MATN2: variants seen among roughly 807,000 people sequenced by gnomAD.
MATN2 encodes matrilin 2, also known as matrilin-2.
A neutral mutation model predicts 103.2 loss-of-function variants in MATN2; 69 were observed. The ratio of observed to expected loss-of-function variants is 0.67; its 90% confidence interval spans 0.55 to 0.82. The LOEUF is 0.82. Ranked by LOEUF, MATN2 falls within the 40% of genes least tolerant of loss-of-function variation. The pLI, the probability that MATN2 is intolerant of heterozygous loss-of-function variation, is 0.00. For missense variants in MATN2, 1,023 were observed against 1,211.5 expected, an observed-to-expected ratio of 0.84 and a Z score of 2.31; for synonymous variants, 429 against 450.2, an observed-to-expected ratio of 0.95 and a Z score of 0.60.
chr8:97,943,830 T>C (rs1481425613), intron 4 of MATN2, among the ~76,000 whole-genome samples: 3 of 152,228 alleles, frequency 2.0e-5, no homozygotes, highest in Non-Finnish European at 4.4e-5. Flanking sequence ...TCTGGGAATC[T>C]GCTGATATTT....
intron 6 of MATN2, among the ~76,000 whole-genome samples, chr8:97,986,050 T>C (rs1367277871): frequency 2.0e-5 from 3 of 152,218 alleles, no homozygotes; most frequent in Non-Finnish European, 4.4e-5. Flanking sequence ...ATTATATGTA[T>C]ATGTCAGAAT....
At chr8:98,019,928 C>A (rs143218709) in intron 12 of MATN2, among the ~76,000 whole-genome samples, 12 of 152,282 alleles carry the variant, frequency 7.9e-5, no homozygotes, top group African/African-American at 2.9e-4. Context: ...GATCTCAATA[C>A]CTCGCTTCTT....
intron 1 of MATN2, among the ~76,000 whole-genome samples, chr8:97,875,896 C>T (rs1490307213): frequency 6.6e-6 from 1 of 151,864 alleles, no homozygotes; most frequent in Non-Finnish European, 1.5e-5. Context: ...GGGGTTTCAC[C>T]GTGTTAGCCA....
At chr8:98,024,108 G>C (rs1813699440) in intron 13 of MATN2, among the ~76,000 whole-genome samples, 1 of 152,122 alleles carries the variant, frequency 6.6e-6, no homozygotes, top group African/African-American at 2.4e-5. Context: ...CTAAGTGATG[G>C]GCTGATAGGT....
chr8:98,015,267 G>A (rs1813318689), intron 10 of MATN2, among the ~76,000 whole-genome samples: 1 of 152,154 alleles, frequency 6.6e-6, no homozygotes, highest in African/African-American at 2.4e-5. Context: ...GCACAGGGCT[G>A]CTCCCAGGTG....
At chr8:97,981,805 C>T (rs1812033009) in intron 6 of MATN2, among the ~76,000 whole-genome samples, 1 of 152,194 alleles carries the variant, frequency 6.6e-6, no homozygotes, top group Non-Finnish European at 1.5e-5. Context: ...CCCTGTGGCT[C>T]AGCATGCCTC....
chr8:97,978,261 T>C (rs1453550551), intron 5 of MATN2, among the ~76,000 whole-genome samples: 1 of 152,194 alleles, frequency 6.6e-6, no homozygotes, highest in Non-Finnish European at 1.5e-5. Context: ...ATGAAACAAA[T>C]GAAATATTTG....
intron 6 of MATN2, among the ~76,000 whole-genome samples, chr8:97,980,711 C>T (rs1463156533): frequency 4.0e-5 from 6 of 151,602 alleles, no homozygotes; most frequent in African/African-American, 1.2e-4. Flanking sequence ...ACTACAGGCT[C>T]GCACCAACAC....
At chr8:97,984,554 A>T (rs970307432) in intron 6 of MATN2, among the ~76,000 whole-genome samples, 15 of 152,188 alleles carry the variant, frequency 9.9e-5, no homozygotes, top group Admixed American at 6.5e-5. Flanking sequence ...TTGAACTGAG[A>T]TCCTCCTAGA....
At chr8:97,941,678 C>A in intron 3 of MATN2, 99 bp from the exon 4 acceptor site, 1 of 1,369,748 alleles carries the variant, frequency 7.3e-7, no homozygotes, top group Non-Finnish European at 1.0e-6. Flanking sequence ...CTGAGTCCTG[C>A]CCAGAGGAGA....
At chr8:98,009,941 T>A (rs1813101489) in intron 10 of MATN2, among the ~76,000 whole-genome samples, 1 of 152,220 alleles carries the variant, frequency 6.6e-6, no homozygotes. Flanking sequence ...ATGAAATGAC[T>A]GGGAGCGTGA....
At chr8:98,017,723 A>G (rs1199563781) in intron 11 of MATN2, among the ~76,000 whole-genome samples, 2 of 152,238 alleles carry the variant, frequency 1.3e-5, no homozygotes, top group Non-Finnish European at 2.9e-5. Context: ...ATCAGAAACT[A>G]TGTCTACAGA....
chr8:97,966,673 G>A (rs919772189), intron 5 of MATN2, among the ~76,000 whole-genome samples: 4 of 152,160 alleles, frequency 2.6e-5, no homozygotes, highest in African/African-American at 9.7e-5. Context: ...AGAAAACTCG[G>A]CATTAACATG....
intron 1 of MATN2, among the ~76,000 whole-genome samples, chr8:97,876,460 A>T (rs1020573707): frequency 3.1e-4 from 47 of 152,054 alleles, no homozygotes; most frequent in Admixed American, 3.1e-3. Context: ...AAGTGCTGGG[A>T]TTACAAGCAT....
chr8:97,888,279 G>A, intron 2 of MATN2, 37 bp downstream of exon 2: 1 of 1,476,622 alleles, frequency 6.8e-7, no homozygotes, highest in Non-Finnish European at 9.0e-7. Flanking sequence ...GTGGGCAGGT[G>A]GGGGTGGTTT....
chr8:97,924,533 C>T (rs1241690517), intron 2 of MATN2, among the ~76,000 whole-genome samples: 1 of 152,092 alleles, frequency 6.6e-6, no homozygotes, highest in Admixed American at 6.6e-5. Flanking sequence ...CCCCACAGCC[C>T]CTCAAAGATC....
At chr8:97,979,356 T>C (rs1811947484) in intron 6 of MATN2, among the ~76,000 whole-genome samples, 1 of 152,214 alleles carries the variant, frequency 6.6e-6, no homozygotes, top group Admixed American at 6.5e-5. Flanking sequence ...CATTGAAGCT[T>C]TGTGGCTTGT....
At position 97,931,232 on chromosome 8, in the gene MATN2, A is replaced by G; in HGVS notation, c.422A>G (p.Gln141Arg). ...GGCACCATGACTGGGCTGGCCATCC[A>G]GTATGCCCTGAACATCGCATTCTCA... ...STGTMTGLAI[Q>R]YALNIAFSEA... Residue 141 changes from glutamine (Q) to arginine (R), a missense_variant, in exon 3 of 19, where the codon CAG (glutamine) becomes CGG (arginine). Coordinates refer to ENST00000254898, the MANE Select transcript of MATN2 (RefSeq NM_002380.5). This position sits in a 1 kb window ranked among gnomAD's most constrained non-coding sequence, Gnocchi z 4.1. 1 of 1,613,912 alleles carries G rather than the reference A, an allele frequency of 6.2e-7. No individual in the cohort carries two copies. Among genetic ancestry groups the G allele is most frequent in the Non-Finnish European group, 8.5e-7 (1 of 1,179,850 alleles).
chr8:98,008,560 A>C (rs1813051732), intron 10 of MATN2, among the ~76,000 whole-genome samples: 1 of 152,124 alleles, frequency 6.6e-6, no homozygotes, highest in Admixed American at 6.5e-5. Flanking sequence ...CCTGTGAGAA[A>C]ATATTTCCAG....
Sources: gnomAD v4.1 joint callset for allele counts (sites outside exome capture counted in the v4.1 genomes callset) on GRCh38, gnomAD v4.1.1 for gene constraint, Gnocchi (gnomAD v3.1) non-coding constraint, MANE v1.5 for transcripts, NCBI Gene and HGNC (gene_info 2026-07-23, HGNC 2026-07-21) for gene names.